The following NBAS variants were observed in gnomAD, a reference collection of about 807,000 sequenced individuals.
NBAS encodes the protein NAG/BC035112 fusion.
NBAS carries 219 observed loss-of-function variants against 302.5 expected under a neutral mutation model. The ratio of observed to expected loss-of-function variants is 0.72; its 90% confidence interval spans 0.65 to 0.81. The LOEUF (loss-of-function observed/expected upper bound fraction) is 0.81. NBAS is among the 30% of genes least tolerant of loss of function. The probability of loss-of-function intolerance (pLI) is 0.00; values close to 1 mark genes in which losing one functional copy is unlikely to be tolerated. For missense variants in NBAS, 2,932 were observed against 2,841.6 expected, an observed-to-expected ratio of 1.03 and a Z score of -0.72; for synonymous variants, 1,118 against 1,021.6, an observed-to-expected ratio of 1.09 and a Z score of -1.80.
At chr2:15,469,148 A>G (rs568164895) in intron 16 of NBAS, among the ~76,000 whole-genome samples, 24 of 152,210 alleles carry the variant, frequency 1.6e-4, no homozygotes, top group Middle Eastern at 3.4e-3. Context: ...TTTTCAAAAA[A>G]CCAGCTCCTG....
the NBAS span, among the ~76,000 whole-genome samples, chr2:14,804,575 T>G: frequency 6.6e-6 from 1 of 152,246 alleles, no homozygotes; most frequent in Non-Finnish European, 1.5e-5. Context: ...AGCCTAATCC[T>G]ATATTTATCC....
At chr2:14,828,464 G>A in the NBAS span, among the ~76,000 whole-genome samples, 10 of 152,300 alleles carry the variant, frequency 6.6e-5, no homozygotes, top group African/African-American at 2.4e-4. Context: ...GAGAGGTTAG[G>A]CAGAGTCAGA....
At chr2:15,196,839 A>C (rs1454097633) in intron 48 of NBAS, among the ~76,000 whole-genome samples, 2 of 81,840 alleles carry the variant, frequency 2.4e-5, no homozygotes, top group African/African-American at 1.3e-4. Context: ...TGTTCGTTTA[A>C]AGAAAGAAAC....
the NBAS span, among the ~76,000 whole-genome samples, chr2:15,012,862 ATT>A: frequency 5.4e-5 from 8 of 147,606 alleles, no homozygotes; most frequent in African/African-American, 2.0e-4. Flanking sequence ...AAACTATGGA[ATT>A]TTTTTTTTTT....
chr2:14,873,701 A>AC, the NBAS span, among the ~76,000 whole-genome samples: 37 of 151,074 alleles, frequency 2.4e-4, no homozygotes, highest in South Asian at 4.2e-4. Flanking sequence ...AAAAAAAAAA[A>AC]CCCACACATA....
At chr2:15,266,381 A>G (rs1669077247) in intron 44 of NBAS, among the ~76,000 whole-genome samples, 1 of 152,038 alleles carries the variant, frequency 6.6e-6, no homozygotes. Context: ...GGCCCCAGTA[A>G]TCTTACTACA....
chr2:14,946,595 A>G, the NBAS span, among the ~76,000 whole-genome samples: 1 of 152,212 alleles, frequency 6.6e-6, no homozygotes, highest in Admixed American at 6.5e-5. Context: ...GTAAGAGCAA[A>G]GGACTTCAAC....
At chr2:14,996,440 C>T in the NBAS span, among the ~76,000 whole-genome samples, 9 of 152,266 alleles carry the variant, frequency 5.9e-5, no homozygotes, top group South Asian at 2.1e-4. Flanking sequence ...ATAGTCTCCA[C>T]GGCAGACGGC....
the NBAS span, among the ~76,000 whole-genome samples, chr2:15,103,785 T>C: frequency 6.6e-6 from 1 of 152,168 alleles, no homozygotes; most frequent in Non-Finnish European, 1.5e-5. Flanking sequence ...TAAGGTCTGA[T>C]CAGAGTGGAA....
chr2:15,053,949 A>T, the NBAS span, among the ~76,000 whole-genome samples: 1 of 152,072 alleles, frequency 6.6e-6, no homozygotes, highest in Non-Finnish European at 1.5e-5. Context: ...GTGAAAAAAA[A>T]AAAATAGAAG....
chr2:15,555,502 A>G (rs1244134318), intron 3 of NBAS, among the ~76,000 whole-genome samples: 1 of 152,132 alleles, frequency 6.6e-6, no homozygotes, highest in Non-Finnish European at 1.5e-5. Context: ...GGTTTATTAT[A>G]TTGTCAATAA....
intron 38 of NBAS, among the ~76,000 whole-genome samples, chr2:15,322,558 T>C (rs1352498723): frequency 6.6e-6 from 1 of 152,168 alleles, no homozygotes; most frequent in African/African-American, 2.4e-5. Flanking sequence ...TTGGAAATCA[T>C]TAGCCATTAA....
chr2:14,811,998 T>C, the NBAS span, among the ~76,000 whole-genome samples: 1 of 152,178 alleles, frequency 6.6e-6, no homozygotes, highest in Non-Finnish European at 1.5e-5. Flanking sequence ...ATGAGATCAA[T>C]GTATTATTTC....
At chr2:14,937,885 C>T in the NBAS span, among the ~76,000 whole-genome samples, 1 of 152,150 alleles carries the variant, frequency 6.6e-6, no homozygotes, top group Non-Finnish European at 1.5e-5. Flanking sequence ...AATCCCAGCA[C>T]TTTTGGAGGG....
chr2:15,180,987 T>C (rs909518059), intron 50 of NBAS, among the ~76,000 whole-genome samples: 3 of 152,238 alleles, frequency 2.0e-5, no homozygotes, highest in African/African-American at 7.2e-5. Flanking sequence ...GCACTCAATG[T>C]TCTAAATGTA....
intron 40 of NBAS, among the ~76,000 whole-genome samples, chr2:15,293,941 G>C (rs1471968666): frequency 6.6e-6 from 1 of 152,118 alleles, no homozygotes; most frequent in African/African-American, 2.4e-5. Context: ...TGCATACACT[G>C]AGTCCTACTC....
the NBAS span, among the ~76,000 whole-genome samples, chr2:14,954,737 T>C: frequency 1.2e-3 from 176 of 152,164 alleles, no homozygotes; most frequent in African/African-American, 4.0e-3. Context: ...TATAAAACCA[T>C]CAGATTTCAT....
chr2:14,884,411 G>A, the NBAS span, among the ~76,000 whole-genome samples: 1 of 152,120 alleles, frequency 6.6e-6, no homozygotes, highest in South Asian at 2.1e-4. Flanking sequence ...GCACACTCAT[G>A]AGAAAACACT....
intron 6 of NBAS, among the ~76,000 whole-genome samples, chr2:15,548,731 T>C (rs1664235296): frequency 6.6e-6 from 1 of 151,022 alleles, no homozygotes; most frequent in Admixed American, 6.6e-5. Context: ...ATGGGAAACA[T>C]GAAGATGTAC....
Sources: gnomAD v4.1 joint callset for allele counts (sites outside exome capture counted in the v4.1 genomes callset) on GRCh38, gnomAD v4.1.1 for gene constraint, MANE v1.5 for transcripts, NCBI Gene and HGNC (gene_info 2026-07-23, HGNC 2026-07-21) for gene names.